The following HES7 variants were observed in gnomAD, a reference collection of about 807,000 sequenced individuals.
HES7 encodes hes family bHLH transcription factor 7.
HES7 carries 8 observed loss-of-function variants against 18.0 expected under a neutral mutation model. The ratio of observed to expected loss-of-function variants is 0.45; its 90% CI spans 0.26 to 0.80. The LOEUF (loss-of-function observed/expected upper bound fraction) is 0.80, where lower values mean the gene tolerates loss of function less well. Ranked by LOEUF, HES7 falls within the 30% of genes least tolerant of loss-of-function variation. The pLI is 0.18. For missense variants in HES7, 356 were observed against 340.9 expected, an observed-to-expected ratio of 1.04 and a Z score of -0.35; for synonymous variants, 170 against 158.6, an observed-to-expected ratio of 1.07 and a Z score of -0.54.
In HES7 at chr17:8,123,429, G is replaced by A. The variant is rs1202643051; in HGVS notation, c.43-303C>T. On this transcript the variant is annotated intron_variant, in intron 1 of 3. Coordinates refer to ENST00000541682, the MANE Select transcript of HES7 (RefSeq NM_001165967.2). The surrounding 1 kb of genome is among the most constrained non-coding windows in gnomAD (Gnocchi z 5.9). Reference sequence around the variant, plus strand: ...TCTCCGTCTGGTGCAGTTTCTCTTTGTCTCAGTGGAGAACTTTGGGGACTC... The same window carrying A: ...TCTCCGTCTGGTGCAGTTTCTCTTTATCTCAGTGGAGAACTTTGGGGACTC... 6.1e-6 allele frequency: 3 copies of A among 495,852 alleles called. No homozygotes were observed. The highest frequency in any genetic ancestry group is 1.1e-5 in the Non-Finnish European group (3 of 272,066). The allele number at this position is 495,852 out of a possible 1,614,324, so 30.7% of individuals were successfully genotyped here. A position where few individuals can be genotyped will look rare whatever the true frequency, so the allele number is the denominator to read the frequency against.
upstream of HES7, among the ~76,000 whole-genome samples, chr17:8,124,463 T>C (rs920337825): frequency 2.0e-5 from 3 of 152,142 alleles, no homozygotes; most frequent in African/African-American, 4.8e-5. Flanking sequence ...AACCCTGAAA[T>C]AGAAGTTAGC....
In HES7 at chr17:8,121,491, G is replaced by A. The variant is rs1981315531; in HGVS notation, c.*80C>T. ...TGCCCTCCCCAACACCTGCTCGCCCGGACGCCCGGGTCCCTCTGCTGCCCT... is the reference window on the plus strand; with the variant it reads ...TGCCCTCCCCAACACCTGCTCGCCCAGACGCCCGGGTCCCTCTGCTGCCCT... On this transcript the variant is annotated 3_prime_UTR_variant, in exon 4 of 4. Coordinates refer to ENST00000541682, the MANE Select transcript of HES7 (RefSeq NM_001165967.2). 8.2e-6 allele frequency: 10 copies of A among 1,215,606 alleles called. No homozygotes were observed. The highest frequency in any genetic ancestry group is 1.0e-5 in the Non-Finnish European group (10 of 964,708). 75.3% of individuals were successfully genotyped at this position (1,215,606 alleles called of 1,614,324 possible).
At chr17:8,125,787 G>A (rs963340185), upstream of HES7, among the ~76,000 whole-genome samples, 5 of 152,318 alleles carry the variant, frequency 3.3e-5, no homozygotes, top group Non-Finnish European at 7.4e-5. Flanking sequence ...TGCCACGCGG[G>A]AGGCCCGGGT....
At chr17:8,125,022 G>A (rs3027277), upstream of HES7, among the ~76,000 whole-genome samples, 2,180 of 151,454 alleles carry the variant, frequency 0.014, 62 homozygotes, top group Admixed American at 0.078. Flanking sequence ...GTGACTGTAG[G>A]GTAGCAGGGA....
chr17:8,124,119 C>T, upstream of HES7: 1 of 1,613,758 alleles, frequency 6.2e-7, no homozygotes, highest in Non-Finnish European at 8.5e-7. Context: ...CGGTTCCCTG[C>T]TCGCCTGGAG....
At position 8,122,033 on chromosome 17, in the gene HES7, G is replaced by T; in HGVS notation, c.231C>A (p.Ala77=). 1 of 1,504,920 alleles carries T rather than the reference G, an allele frequency of 6.6e-7. No homozygotes were observed. The allele number at this position is 1,504,920 out of a possible 1,614,324, so 93.2% of individuals were successfully genotyped here. The change falls in exon 4 of 4, where the codon GCC becomes GCA. Residue 77 remains alanine, a synonymous_variant. Transcript: ENST00000541682. The surrounding 1 kb of genome is among the most constrained non-coding windows in gnomAD (Gnocchi z 6.9). ...GGGACCGGGGAACCCCTGGAGCCGC[G>T]GCGGCTGGTGCGGCCGGCGGGAGCA... is the stretch of plus-strand genomic sequence containing the variant. ...RERSRVEPPA[A]AAPGVPRSPV... is the part of the protein sequence containing the mutation.
chr17:8,122,116 C>A lies in HES7; in HGVS notation c.227-79G>T. The A allele has an allele frequency of 1.5e-6, 2 of 1,292,188 alleles. No homozygotes were observed. The highest frequency in any genetic ancestry group is 1.5e-5 in the South Asian group (1 of 67,370). The allele number at this position is 1,292,188 out of a possible 1,614,324, so 80.0% of individuals were successfully genotyped here. A position where few individuals can be genotyped will look rare whatever the true frequency, so the allele number is the denominator to read the frequency against. On this transcript the variant is annotated intron_variant, in intron 3 of 3. Coordinates refer to ENST00000541682, the MANE Select transcript of HES7 (RefSeq NM_001165967.2). The surrounding 1 kb of genome is among the most constrained non-coding windows in gnomAD (Gnocchi z 6.9). ...AGGGAAGGGGCGGGGCGCAGAGATA[C>A]CAAGGCCGGACAGGCGCACAGAGAC... is the stretch of plus-strand genomic sequence containing the variant.
rs1344914986 is a variant in HES7 at position 8,121,736 on chromosome 17, C to T, written c.528G>A (p.Pro176=). ...RPPVHQGHPS[P]RCAWSPSLCS... is the part of the protein sequence containing the mutation. ...AGAGGGATGGGGACCATGCGCAGCG[C>T]GGGCTAGGGTGGCCCTGGTGCACTG... Residue 176 remains proline (P), a synonymous_variant, in exon 4 of 4, where the codon CCG becomes CCA. Coordinates refer to ENST00000541682, the MANE Select transcript of HES7 (RefSeq NM_001165967.2). 5 of 1,426,464 alleles carry T rather than the reference C, an allele frequency of 3.5e-6. No homozygotes were observed. Among genetic ancestry groups the T allele is most frequent in the Non-Finnish European group, 2.7e-6 (3 of 1,101,738 alleles). 88.4% of individuals were successfully genotyped at this position (1,426,464 alleles called of 1,614,324 possible).
rs894626190 is a variant in HES7, at chr17:8,123,400, T to A, written c.43-274A>T. On this transcript the variant is annotated intron_variant, in intron 1 of 3. Coordinates refer to ENST00000541682, the MANE Select transcript of HES7 (RefSeq NM_001165967.2). The surrounding 1 kb of genome is among the most constrained non-coding windows in gnomAD (Gnocchi z 5.9). ...TGTGTCTCTCCTCCTCTTTTCTCTC[T>A]ACGTCTCCGTCTGGTGCAGTTTCTC... is the stretch of plus-strand genomic sequence containing the variant. 7.3e-6 allele frequency: 4 copies of A among 544,932 alleles called. No homozygotes were observed. In the African/African-American group the frequency reaches 7.6e-5, roughly 10 times the overall value. The allele number at this position is 544,932 out of a possible 1,614,324, so 33.8% of individuals were successfully genotyped here.
chr17:8,126,554 C>T (rs927287263), upstream of HES7, among the ~76,000 whole-genome samples: 1 of 152,240 alleles, frequency 6.6e-6, no homozygotes, highest in East Asian at 1.9e-4. Flanking sequence ...CCCTTCCCGG[C>T]CGCTTTGATC....
In HES7 at chr17:8,122,383, G is replaced by A. The variant is rs946021143; in HGVS notation, c.186C>T (p.Ala62=). The change falls in exon 3 of 4, where the codon GCC becomes GCT. Residue 62 remains alanine (A), a synonymous_variant. Transcript: ENST00000541682. This position sits in a 1 kb window ranked among gnomAD's most constrained non-coding sequence, Gnocchi z 6.9. ...KLEKAEILEF[A]VGYLRERSRV... ...GGCTTCGCTCCCTCAAGTAGCCCAC[G>A]GCGAACTCCAATATCTCCGCTTTCT... is the stretch of plus-strand genomic sequence containing the variant. The A allele has an allele frequency of 3.8e-6, 6 of 1,594,544 alleles. No homozygotes were observed. The highest frequency in any genetic ancestry group is 2.3e-5 in the South Asian group (2 of 88,182).
At chr17:8,124,156 G>A (rs1169052042), upstream of HES7, 1 of 1,591,894 alleles carries the variant, frequency 6.3e-7, no homozygotes, top group Non-Finnish European at 8.6e-7. Flanking sequence ...CCAAGGGTAG[G>A]AGGGATAGGA....
chr17:8,122,071 G>C lies in HES7; in HGVS notation c.227-34C>G, dbSNP rs1372403884. On this transcript the variant is annotated intron_variant, in intron 3 of 3. Transcript: ENST00000541682. This position sits in a 1 kb window ranked among gnomAD's most constrained non-coding sequence, Gnocchi z 6.9. ...GCCGGCGGGAGCACAGGTGGGCAGGGCAGGGGCCCGGCAGGGGTGAGGGAA... is the reference window on the plus strand; with the variant it reads ...GCCGGCGGGAGCACAGGTGGGCAGGCCAGGGGCCCGGCAGGGGTGAGGGAA... 1 of 1,469,550 alleles carries C rather than the reference G, an allele frequency of 6.8e-7. No individual in the cohort carries two copies. 91.0% of individuals were successfully genotyped at this position (1,469,550 alleles called of 1,614,324 possible).
Position 8,123,055 on chromosome 17 carries a change from C to T in HES7, c.114G>A (p.Leu38=), listed in dbSNP as rs749800673. The change falls in exon 2 of 4, where the codon CTG becomes CTA. Residue 38 remains leucine, a synonymous_variant. Transcript: ENST00000541682. This position sits in a 1 kb window ranked among gnomAD's most constrained non-coding sequence, Gnocchi z 5.9. The part of the protein sequence containing the change: ...INRSLEELRL[L]LLERTRDQNL... ...CCTGGTCCCGGGTCCGCTCCAGCAG[C>T]AGCAGCCTCAGCTCTTCCAGGCTGC... 1.9e-6 allele frequency: 3 copies of T among 1,603,200 alleles called. No individual in the cohort carries two copies. The African/African-American group carries it at 4.0e-5, about 21-fold the overall frequency.
At position 8,121,695 on chromosome 17, in the gene HES7, C is replaced by G. The variant is rs1490055159; in HGVS notation, c.569G>C (p.Gly190Ala). 1 of 1,329,136 alleles carries G rather than the reference C, an allele frequency of 7.5e-7. No individual in the cohort carries two copies. Among genetic ancestry groups the G allele is most frequent in the Non-Finnish European group, 9.6e-7 (1 of 1,046,210 alleles). The allele number at this position is 1,329,136 out of a possible 1,614,324, so 82.3% of individuals were successfully genotyped here. A position where few individuals can be genotyped will look rare whatever the true frequency, so the allele number is the denominator to read the frequency against. The change falls in exon 4 of 4, where the codon GGG (glycine) becomes GCG (alanine). Residue 190 changes from glycine (G) to alanine (A), a missense_variant. Coordinates refer to ENST00000541682, the MANE Select transcript of HES7 (RefSeq NM_001165967.2). ...GAGGGGCGCCGGCGCGCCAGAATCC[C>G]CGGCGCGCGGGGAGCAGAGGGATGG... ...WSPSLCSPRA[G>A]DSGAPAPLTG...
Position 8,122,136 on chromosome 17 carries a change from A to C in HES7, c.227-99T>G. On this transcript the variant is annotated intron_variant, in intron 3 of 3. Transcript: ENST00000541682. The surrounding 1 kb of genome is among the most constrained non-coding windows in gnomAD (Gnocchi z 6.9). ...AGATACCAAGGCCGGACAGGCGCAC[A>C]GAGACAGGAAGCCAGATGGACGGAA... The C allele has an allele frequency of 8.9e-7, 1 of 1,118,102 alleles. No homozygotes were observed. Among genetic ancestry groups the C allele is most frequent in the Non-Finnish European group, 1.2e-6 (1 of 805,554 alleles). 69.3% of individuals were successfully genotyped at this position (1,118,102 alleles called of 1,614,324 possible).
upstream of HES7, among the ~76,000 whole-genome samples, chr17:8,125,725 C>G (rs908952383): frequency 6.6e-6 from 1 of 152,204 alleles, no homozygotes; most frequent in South Asian, 2.1e-4. Flanking sequence ...AGATAGGATC[C>G]CCGCAGAATC....
At chr17:8,125,652 C>A (rs1293470685), upstream of HES7, among the ~76,000 whole-genome samples, 1 of 152,182 alleles carries the variant, frequency 6.6e-6, no homozygotes, top group Non-Finnish European at 1.5e-5. Context: ...GGCAACCATT[C>A]GGGACCACTT....
Position 8,121,655 on chromosome 17 carries a change from C to T in HES7, c.609G>A (p.Pro203=), listed in dbSNP as rs1981330038. 7.6e-7 allele frequency: 1 copy of T among 1,320,522 alleles called. No individual in the cohort carries two copies. The highest frequency in any genetic ancestry group is 9.6e-7 in the Non-Finnish European group (1 of 1,042,822). 81.8% of individuals were successfully genotyped at this position (1,320,522 alleles called of 1,614,324 possible). Residue 203 remains proline (P), a synonymous_variant, in exon 4 of 4, where the codon CCG becomes CCA. Transcript: ENST00000541682. ...CTTGTCTGTGAGGCGGCGGTGGCGG[C>T]GGCAGCAGTCCGGTGAGGGGCGCCG... ...GAPAPLTGLL[P]PPPPPHRQDG...
Sources: allele counts gnomAD v4.1 joint callset (sites outside exome capture counted in the v4.1 genomes callset), GRCh38; gene constraint gnomAD v4.1.1; non-coding constraint Gnocchi (gnomAD v3.1); transcripts MANE v1.5; gene names NCBI Gene and HGNC (gene_info 2026-07-23, HGNC 2026-07-21).